The following IDUA variants were observed in gnomAD, a reference collection of about 807,000 sequenced individuals.
IDUA encodes alpha-L-iduronidase.
In IDUA, 65 loss-of-function variants were observed where a neutral mutation model predicts 68.9. The observed-to-expected ratio is 0.94, with a 90% CI of 0.77 to 1.16. The LOEUF is 1.16. Among genes scored for constraint, IDUA ranks in the 50% most tolerant of loss-of-function variants. The pLI is 0.00. For synonymous variants in IDUA, 529 were observed against 433.6 expected (o/e 1.22, Z -2.73); for missense variants, 1,046 against 938.0 (o/e 1.12, Z -1.50).
intron 2 of IDUA, chr4:991,696 T>A (rs779181043): frequency 6.5e-7 from 1 of 1,531,748 alleles, no homozygotes; most frequent in South Asian, 1.2e-5. Context: ...CTCAGGGGAC[T>A]CGTCCATCCT....
chr4:989,269 G>C lies in IDUA; in HGVS notation c.299+1320G>C, dbSNP rs769256336. ...GTCCAGCCCCGTGAGGCTGTAGAGTGACTGCAGGAAGAAGTCCTTGTTGGC... is the reference window on the plus strand; with the variant it reads ...GTCCAGCCCCGTGAGGCTGTAGAGTCACTGCAGGAAGAAGTCCTTGTTGGC... On this transcript the variant is annotated intron_variant, in intron 2 of 13. Coordinates refer to ENST00000514224, the MANE Select transcript of IDUA (RefSeq NM_000203.5). 1.2e-6 allele frequency: 2 copies of C among 1,612,594 alleles called. No individual in the cohort carries two copies. Among genetic ancestry groups the C allele is most frequent in the African/African-American group, 2.7e-5 (2 of 74,936 alleles).
intron 2 of IDUA, among the ~76,000 whole-genome samples, chr4:998,778 C>T (rs544875945): frequency 7.8e-5 from 11 of 141,482 alleles, no homozygotes; most frequent in East Asian, 4.1e-4. Context: ...CTGTACGACC[C>T]CCCGACCCCC....
chr4:992,119 G>A, intron 2 of IDUA: 1 of 493,352 alleles, frequency 2.0e-6, no homozygotes, highest in Non-Finnish European at 4.0e-6. Flanking sequence ...GCAGGAACAG[G>A]CTGGGCTGCC....
chr4:987,842 C>A lies in IDUA; in HGVS notation c.192C>A (p.Tyr64Ter), dbSNP rs121965022. The change falls in exon 2 of 14, where the codon TAC (tyrosine) becomes TAA (stop). Residue 64 changes from tyrosine (Y) to a stop codon, truncating the protein, a stop_gained. Transcript: ENST00000514224. LOFTEE classifies it high-confidence loss of function. ...TGCCACACAGCCAGGCTGACCAGTA[C>A]GTCCTCAGCTGGGACCAGCAGCTCA... ...PPLPHSQADQ[Y>*]VLSWDQQLNL... The A allele has an allele frequency of 3.7e-6, 6 of 1,612,480 alleles. No individual in the cohort carries two copies. The highest frequency in any genetic ancestry group is 4.2e-6 in the Non-Finnish European group (5 of 1,179,868).
chr4:1,001,437 G>C lies in IDUA; in HGVS notation c.494-31G>C, dbSNP rs952048293. ...GGAGTCACTGAGGCGAGATTCACCT[G>C]TGCTGGGGGGACAGCAAGGCTCCTC... On this transcript the variant is annotated intron_variant, in intron 4 of 13. Coordinates refer to ENST00000514224, the MANE Select transcript of IDUA (RefSeq NM_000203.5). The C allele has an allele frequency of 2.5e-6, 4 of 1,589,574 alleles. No individual in the cohort carries two copies. The Admixed American group carries it at 6.7e-5, about 26-fold the overall frequency.
intron 2 of IDUA, chr4:990,672 G>C: frequency 2.2e-6 from 1 of 455,700 alleles, no homozygotes; most frequent in Non-Finnish European, 3.9e-6. Flanking sequence ...GGTATCAGAA[G>C]GCAACCCCTT....
Position 1,001,723 on chromosome 4 carries a change from G to A in IDUA, c.634G>A (p.Ala212Thr). The A allele has an allele frequency of 2.5e-6, 4 of 1,598,374 alleles. No homozygotes were observed. Among genetic ancestry groups the A allele is most frequent in the Non-Finnish European group, 3.4e-6 (4 of 1,178,346 alleles). Residue 212 changes from alanine to threonine, a missense_variant, in exon 6 of 14, where the codon GCC becomes ACC. Transcript: ENST00000514224. The part of the protein sequence containing the change: ...YDACSEGLRA[A>T]SPALRLGGPG... ...TGCCTGCTCGGAGGGTCTGCGCGCCGCCAGCCCCGCCCTGCGGCTGGGAGG... is the reference window on the plus strand; with the variant it reads ...TGCCTGCTCGGAGGGTCTGCGCGCCACCAGCCCCGCCCTGCGGCTGGGAGG...
chr4:1,004,183 GC>G lies in IDUA; in HGVS notation c.1828+73del. 6.2e-7 allele frequency: 1 copy of G among 1,610,114 alleles called. No individual in the cohort carries two copies. Among genetic ancestry groups the G allele is most frequent in the Non-Finnish European group, 8.5e-7 (1 of 1,179,194 alleles). ...GGCCTCAGGGCAGTACTGGGTGGGG[GC>G]CTCGAGAAGCCTGGGGTCAGGGGGC... On this transcript the variant is annotated intron_variant, in intron 13 of 13. Transcript: ENST00000514224. The surrounding 1 kb of genome is among the most constrained non-coding windows in gnomAD (Gnocchi z 5.0).
rs1252941339 is a variant in IDUA, at chr4:1,001,677, A to C, written c.590-2A>C. 6.2e-7 allele frequency: 1 copy of C among 1,601,642 alleles called. No individual in the cohort carries two copies. The highest frequency in any genetic ancestry group is 2.2e-5 in the East Asian group (1 of 44,786). ...TGTAGACGCAGTGCTCCCCCGGCCC[A>C]GGCTTCCTGAACTACTACGATGCCT... On this transcript the variant is annotated splice_acceptor_variant, in intron 5 of 13. Transcript: ENST00000514224. LOFTEE classifies it high-confidence loss of function.
At chr4:990,736 A>G (rs1352755550) in intron 2 of IDUA, 7 of 389,830 alleles carry the variant, frequency 1.8e-5, no homozygotes, top group South Asian at 1.1e-4. Flanking sequence ...TGTGGAGCCA[A>G]CGGGGGCCAA....
At position 1,001,970 on chromosome 4, in the gene IDUA, C is replaced by T; in HGVS notation, c.793-12C>T. 1.3e-6 allele frequency: 2 copies of T among 1,575,952 alleles called. No individual in the cohort carries two copies. The highest frequency in any genetic ancestry group is 1.2e-5 in the South Asian group (1 of 86,176). ...GCTGACCCTGGTGGTGCTGAGGCGG[C>T]CCCGCCCGCAGGGTGCGCGCAGCTC... On this transcript the variant is annotated splice_polypyrimidine_tract_variant and intron_variant, in intron 6 of 13. Coordinates refer to ENST00000514224, the MANE Select transcript of IDUA (RefSeq NM_000203.5).
chr4:1,000,792 T>C lies in IDUA; in HGVS notation c.386-90T>C, dbSNP rs956667688. On this transcript the variant is annotated intron_variant, in intron 3 of 13. Transcript: ENST00000514224. ...GCCCCTCTGAGTCCTTGGATGTCCA[T>C]TCAGGGCTGGCCTTGGTGCCGGAGC... 10 of 1,473,678 alleles carry C rather than the reference T, an allele frequency of 6.8e-6. No individual in the cohort carries two copies. The African/African-American group carries it at 1.4e-4, about 20-fold the overall frequency. 91.3% of individuals were successfully genotyped at this position (1,473,678 alleles called of 1,614,324 possible). A position where few individuals can be genotyped will look rare whatever the true frequency, so the allele number is the denominator to read the frequency against.
chr4:1,003,486 C>T lies in IDUA; in HGVS notation c.1650+16C>T. On this transcript the variant is annotated intron_variant, in intron 11 of 13. Coordinates refer to ENST00000514224, the MANE Select transcript of IDUA (RefSeq NM_000203.5). ...GCCCGGGCAGGCAAGTGGCAGTCCC[C>T]TAACCCGCGCCGCGGCCCGGACTCC... 2.5e-6 allele frequency: 4 copies of T among 1,586,884 alleles called. No individual in the cohort carries two copies. Among genetic ancestry groups the T allele is most frequent in the Non-Finnish European group, 8.5e-7 (1 of 1,172,444 alleles).
intron 2 of IDUA, among the ~76,000 whole-genome samples, chr4:997,172 G>A (rs901893810): frequency 9.2e-5 from 14 of 152,226 alleles, no homozygotes; most frequent in Admixed American, 5.9e-4. Flanking sequence ...ACCCTCCCGC[G>A]GGTGGGCGAG....
chr4:989,367 A>G, intron 2 of IDUA: 1 of 1,588,016 alleles, frequency 6.3e-7, no homozygotes, highest in Non-Finnish European at 8.6e-7. Context: ...ACTCTGTGGC[A>G]TCCTCGTAGA....
At chr4:991,272 G>C (rs143284684) in intron 2 of IDUA, 1 of 1,612,672 alleles carries the variant, frequency 6.2e-7, no homozygotes, top group Non-Finnish European at 8.5e-7. Context: ...GGTCAAAGCC[G>C]GCCAGCTGGA....
chr4:1,001,198 G>T, intron 4 of IDUA: 1 of 617,334 alleles, frequency 1.6e-6, no homozygotes. Flanking sequence ...GGCTTGGTGG[G>T]TGGGCGAAGG....
rs755677096 is a variant in IDUA at position 1,000,710 on chromosome 4, C to T, written c.385+13C>T. The T allele has an allele frequency of 1.3e-6, 2 of 1,596,702 alleles. No homozygotes were observed. Among genetic ancestry groups the T allele is most frequent in the South Asian group, 2.2e-5 (2 of 90,720 alleles). ...CAGCTCCTCCCAGGTGAGCTGTGGGCTCTGCCCTCCCAGCCCGCCTGCACC... is the reference window on the plus strand; with the variant it reads ...CAGCTCCTCCCAGGTGAGCTGTGGGTTCTGCCCTCCCAGCCCGCCTGCACC... On this transcript the variant is annotated intron_variant, in intron 3 of 13. Coordinates refer to ENST00000514224, the MANE Select transcript of IDUA (RefSeq NM_000203.5).
chr4:987,653 C>T (rs1012469793), intron 1 of IDUA, 156 bp from the exon 2 acceptor site: 7 of 1,460,248 alleles, frequency 4.8e-6, no homozygotes, highest in Non-Finnish European at 6.3e-6. Context: ...GGGACCTCCC[C>T]ACATTCCTGG....
Sources: gnomAD v4.1 joint callset for allele counts (sites outside exome capture counted in the v4.1 genomes callset) on GRCh38, gnomAD v4.1.1 for gene constraint, Gnocchi (gnomAD v3.1) non-coding constraint, MANE v1.5 for transcripts, NCBI Gene and HGNC (gene_info 2026-07-23, HGNC 2026-07-21) for gene names.